MTCL1: variants seen among roughly 807,000 people sequenced by gnomAD.
MTCL1 encodes the protein microtubule crosslinking factor 1.
MTCL1 carries 79 observed loss-of-function variants against 141.4 expected under a neutral mutation model. The observed-to-expected ratio is 0.56, with a 90% CI of 0.47 to 0.67. MTCL1 has a LOEUF of 0.67. Ranked by LOEUF, MTCL1 falls within the 30% of genes least tolerant of loss-of-function variation. MTCL1 has a pLI of 0.00. For missense variants in MTCL1, 2,177 were observed against 2,113.9 expected (o/e 1.03, Z -0.59); for synonymous variants, 914 against 875.8 (o/e 1.04, Z -0.77).
At chr18:8,829,805 A>G in intron 16 of MTCL1, 1 of 985,298 alleles carries the variant, frequency 1.0e-6, no homozygotes, top group Non-Finnish European at 1.2e-6. Flanking sequence ...CAGCGACCAC[A>G]GTGGCTTCTC....
At chr18:8,797,975 G>C in intron 9 of MTCL1, 122 bp from the exon 9 acceptor site, 1 of 954,270 alleles carries the variant, frequency 1.0e-6, no homozygotes, top group Admixed American at 3.8e-5. Context: ...TAGGGGTAAG[G>C]ACTGAGAAGT....
chr18:8,718,409 G>C lies in MTCL1; in HGVS notation c.-27-15G>C. On this transcript the variant is annotated splice_polypyrimidine_tract_variant and intron_variant, in intron 2 of 16. Transcript: ENST00000359865. ...TGTACTTGGCTCATAAATCTTCTCTGTCTGATTTGCATAGGATGAGTTAGA... is the reference window on the plus strand; with the variant it reads ...TGTACTTGGCTCATAAATCTTCTCTCTCTGATTTGCATAGGATGAGTTAGA... The C allele has an allele frequency of 1.2e-6, 2 of 1,611,996 alleles. No homozygotes were observed. The highest frequency in any genetic ancestry group is 1.7e-6 in the Non-Finnish European group (2 of 1,178,164).
At chr18:8,825,403 G>A (rs906337903) in exon 15 of MTCL1, 1 of 1,543,864 alleles carries the variant, frequency 6.5e-7, no homozygotes, top group African/African-American at 1.4e-5. Flanking sequence ...ATCTGCTCCG[G>A]CCCTGGCGAG....
At chr18:8,712,080 C>T (rs1173029676) in intron 1 of MTCL1, among the ~76,000 whole-genome samples, 2 of 152,200 alleles carry the variant, frequency 1.3e-5, no homozygotes, top group African/African-American at 4.8e-5. Flanking sequence ...CCCCACACCT[C>T]CCCCACCCCC....
chr18:8,792,944 C>G, intron 7 of MTCL1, 54 bp from the exon 7 acceptor site: 1 of 1,605,326 alleles, frequency 6.2e-7, no homozygotes, highest in Non-Finnish European at 8.5e-7. Context: ...TGCGTCGTCA[C>G]CTCAGGCAGA....
At chr18:8,729,744 T>C (rs2096241062) in intron 4 of MTCL1, among the ~76,000 whole-genome samples, 2 of 123,098 alleles carry the variant, frequency 1.6e-5, no homozygotes, top group African/African-American at 3.3e-5. Flanking sequence ...GGTTTGCAAA[T>C]ATTTTCTCTT....
intron 10 of MTCL1, among the ~76,000 whole-genome samples, chr18:8,805,796 A>G (rs2076279926): frequency 6.6e-6 from 1 of 152,190 alleles, no homozygotes; most frequent in Non-Finnish European, 1.5e-5. Context: ...GACCGCCCTG[A>G]GAGCTTGTGA....
intron 4 of MTCL1, among the ~76,000 whole-genome samples, chr18:8,749,777 A>T (rs1053530100): frequency 1.3e-5 from 2 of 152,160 alleles, no homozygotes; most frequent in African/African-American, 4.8e-5. Context: ...ATGGGGGCCT[A>T]TTCTTTCCTT....
In MTCL1 at chr18:8,829,064, G is replaced by C. The variant is rs72942350; in HGVS notation, c.*18+100G>C. On this transcript the variant is annotated intron_variant, in intron 16 of 16. Coordinates refer to ENST00000359865, the Ensembl canonical transcript of MTCL1. ...TCATCACCTGAGGGAGTTCTGCCCG[G>C]TGGCGGTACCCTCGCTCACCCCAAG... The C allele has an allele frequency of 3.5e-4, 564 of 1,595,352 alleles. No individual in the cohort carries two copies. The African/African-American group carries it at 6.5e-3, about 18-fold the overall frequency.
intron 5 of MTCL1, among the ~76,000 whole-genome samples, chr18:8,781,642 C>T (rs1294424086): frequency 1.3e-5 from 2 of 152,170 alleles, no homozygotes; most frequent in Non-Finnish European, 2.9e-5. Flanking sequence ...ATAATAAATA[C>T]ACTTTTTAGG....
intron 1 of MTCL1, among the ~76,000 whole-genome samples, chr18:8,711,735 T>C (rs900892041): frequency 5.3e-5 from 8 of 150,896 alleles, no homozygotes; most frequent in African/African-American, 1.9e-4. Context: ...TTTGATGGGG[T>C]TGTTTGTTTT....
chr18:8,774,558 G>A (rs2143176696), intron 4 of MTCL1, among the ~76,000 whole-genome samples: 1 of 152,018 alleles, frequency 6.6e-6, no homozygotes, highest in African/African-American at 2.4e-5. Flanking sequence ...CGCCATCTCA[G>A]CTCAGTGCAA....
rs200381483 is a variant in MTCL1 at position 8,828,946 on chromosome 18, G to A, written c.4761G>A (p.Ter1587=). ...TGCTAACTGCCCCCTGGGGACTCTA[G>A]CCCTGCCCGCCTCACGCTGTAAGTG... Residue 1587 remains the stop codon, a stop_retained_variant, in exon 16 of 17, where the codon TAG becomes TAA. Transcript: ENST00000359865. This position sits in a 1 kb window ranked among gnomAD's most constrained non-coding sequence, Gnocchi z 5.2. The A allele has an allele frequency of 6.2e-7, 1 of 1,614,208 alleles. No individual in the cohort carries two copies. The highest frequency in any genetic ancestry group is 8.5e-7 in the Non-Finnish European group (1 of 1,180,040).
intron 4 of MTCL1, among the ~76,000 whole-genome samples, chr18:8,723,652 T>C (rs1025528743): frequency 3.3e-5 from 5 of 152,172 alleles, no homozygotes; most frequent in African/African-American, 1.2e-4. Context: ...TTAGACTCTG[T>C]TCAGAACAAA....
At chr18:8,706,517 C>T (rs1285495873) in exon 1 of MTCL1, 2 of 1,336,030 alleles carry the variant, frequency 1.5e-6, no homozygotes, top group African/African-American at 1.5e-5. Flanking sequence ...CGGAGCATCC[C>T]GAGCGGGGTT....
intron 4 of MTCL1, among the ~76,000 whole-genome samples, chr18:8,760,802 A>C (rs1320415755): frequency 6.6e-6 from 1 of 152,088 alleles, no homozygotes; most frequent in Non-Finnish European, 1.5e-5. Context: ...AGATTTTACA[A>C]CTCTGTTAGA....
At position 8,804,374 on chromosome 18, in the gene MTCL1, G is replaced by A. The variant is rs546594904; in HGVS notation, c.2437-2519G>A. 6.0e-5 allele frequency among the ~76,000 whole-genome samples: 9 copies of A among 151,158 alleles called. No individual in the cohort carries two copies. The South Asian group carries it at 1.7e-3, about 28-fold the overall frequency. On this transcript the variant is annotated intron_variant, in intron 10 of 16. Coordinates refer to ENST00000359865, the Ensembl canonical transcript of MTCL1. ...GGGTTCAAGCGATCCTCCCATCTCAGCCTCCTGAGTAGTTGGGACTACAGG... is the reference window on the plus strand; with the variant it reads ...GGGTTCAAGCGATCCTCCCATCTCAACCTCCTGAGTAGTTGGGACTACAGG...
At chr18:8,739,966 C>T (rs1165244603) in intron 4 of MTCL1, among the ~76,000 whole-genome samples, 7 of 152,196 alleles carry the variant, frequency 4.6e-5, no homozygotes, top group African/African-American at 1.4e-4. Context: ...CTCTTGACCT[C>T]GTGATCTGCC....
At chr18:8,745,943 T>C (rs1185345265) in intron 4 of MTCL1, among the ~76,000 whole-genome samples, 1 of 152,226 alleles carries the variant, frequency 6.6e-6, no homozygotes, top group East Asian at 1.9e-4. Context: ...TCTACCTCTA[T>C]GAAACTGCTA....
Sources: allele counts gnomAD v4.1 joint callset (sites outside exome capture counted in the v4.1 genomes callset), GRCh38; gene constraint gnomAD v4.1.1; non-coding constraint Gnocchi (gnomAD v3.1); transcripts MANE v1.5; gene names NCBI Gene and HGNC (gene_info 2026-07-23, HGNC 2026-07-21).